SERINC1: variants seen among roughly 807,000 people sequenced by gnomAD.
The protein encoded by SERINC1 is serine incorporator 1, also known as tumor differentially expressed protein 2.
SERINC1 carries 38 observed loss-of-function variants against 52.9 expected under a neutral mutation model. The observed-to-expected ratio is 0.72, with a 90% CI of 0.55 to 0.94. SERINC1 has a LOEUF of 0.94. Among genes scored for constraint, SERINC1 ranks in the 40% least tolerant of loss-of-function variants. The pLI, the probability that SERINC1 is intolerant of heterozygous loss-of-function variation, is 0.00. For synonymous variants in SERINC1, 198 were observed against 183.1 expected (o/e 1.08, Z -0.66); for missense variants, 471 against 533.9 (o/e 0.88, Z 1.16).
chr6:122,460,807 G>C (rs1424143709), intron 1 of SERINC1, among the ~76,000 whole-genome samples: 1 of 152,142 alleles, frequency 6.6e-6, no homozygotes, highest in Admixed American at 6.5e-5. Context: ...ATAGGGCATT[G>C]TAGTATTACT....
At chr6:122,451,153 A>G (rs1732458415) in intron 7 of SERINC1, among the ~76,000 whole-genome samples, 2 of 152,164 alleles carry the variant, frequency 1.3e-5, no homozygotes. Flanking sequence ...TAAAGATACT[A>G]AAACAGCCAT....
intron 6 of SERINC1, 22 bp from the exon 7 acceptor site, chr6:122,451,776 A>AATATATATATATATATATAT (rs1554211251): frequency 5.3e-5 from 6 of 113,044 alleles, no homozygotes; most frequent in African/African-American, 1.5e-4. Context: ...AAAAAAAAAA[A>AATATATATATATATATATAT]ATATATATAT....
intron 3 of SERINC1, among the ~76,000 whole-genome samples, 152 bp downstream of exon 3, chr6:122,456,328 TA>T (rs1421658713): frequency 2.6e-5 from 4 of 152,178 alleles, no homozygotes; most frequent in African/African-American, 9.7e-5. Context: ...CATTCTCCAG[TA>T]AAAACAAGAT....
At chr6:122,445,329 T>C in intron 9 of SERINC1, 150 bp from the exon 10 acceptor site, 1 of 736,636 alleles carries the variant, frequency 1.4e-6, no homozygotes, top group Non-Finnish European at 2.2e-6. Flanking sequence ...CTCCCTTTCT[T>C]TCCACACTGC....
intron 1 of SERINC1, among the ~76,000 whole-genome samples, chr6:122,460,876 G>A (rs1316748866): frequency 1.3e-5 from 2 of 152,106 alleles, no homozygotes; most frequent in African/African-American, 4.8e-5. Flanking sequence ...GTTACGGACA[G>A]ACATGGAAGA....
intron 1 of SERINC1, among the ~76,000 whole-genome samples, chr6:122,467,562 G>A (rs536071399): frequency 1.3e-5 from 2 of 152,220 alleles, no homozygotes; most frequent in East Asian, 1.9e-4. Context: ...AGCTGAGATC[G>A]CGCCACTGCA....
At chr6:122,471,590 C>A in intron 1 of SERINC1, 109 bp downstream of exon 1, 1 of 1,342,036 alleles carries the variant, frequency 7.5e-7, no homozygotes, top group East Asian at 2.3e-5. Context: ...AGGGCACTCC[C>A]TGTTGGGTGG....
Position 122,444,169 on chromosome 6 carries a change from T to C in SERINC1, c.*875A>G, listed in dbSNP as rs1353625826. 6.6e-6 allele frequency: 1 copy of C among 152,166 alleles called. No individual in the cohort carries two copies. The allele number at this position is 152,166 out of a possible 1,614,324, so 9.4% of individuals were successfully genotyped here. ...GCTACAAAGCCCAGATTATTTTTTA[T>C]AGAAACAGGGTTTCACCATGTTGCC... On this transcript the variant is annotated 3_prime_UTR_variant, in exon 10 of 10. Coordinates refer to ENST00000339697, the MANE Select transcript of SERINC1 (RefSeq NM_020755.4).
chr6:122,449,165 A>T (rs1206545470), intron 7 of SERINC1, among the ~76,000 whole-genome samples: 1 of 152,190 alleles, frequency 6.6e-6, no homozygotes, highest in African/African-American at 2.4e-5. Context: ...ACCATATGGA[A>T]ATTAGGCCAG....
At chr6:122,468,991 T>C (rs757357127) in intron 1 of SERINC1, among the ~76,000 whole-genome samples, 37 of 152,178 alleles carry the variant, frequency 2.4e-4, no homozygotes, top group Non-Finnish European at 3.4e-4. Flanking sequence ...GGTAATGTTA[T>C]AGTTATAGGA....
chr6:122,451,996 A>G lies in SERINC1; in HGVS notation c.651T>C (p.Phe217=), dbSNP rs1207430590. ...AACTGGCTGGATGAGTGTAGTAGAC[A>G]AAGAACAGGACGATAGCAACTAAAG... ...LLSLVAIVLF[F]VYYTHPASCS... Residue 217 remains phenylalanine, a synonymous_variant, in exon 6 of 10, where the codon TTT becomes TTC. Coordinates refer to ENST00000339697, the MANE Select transcript of SERINC1 (RefSeq NM_020755.4). 2 of 1,593,548 alleles carry G rather than the reference A, an allele frequency of 1.3e-6. No individual in the cohort carries two copies. Among genetic ancestry groups the G allele is most frequent in the Middle Eastern group, 1.7e-4 (1 of 6,002 alleles).
chr6:122,466,848 G>A (rs1775200455), intron 1 of SERINC1, among the ~76,000 whole-genome samples: 1 of 152,120 alleles, frequency 6.6e-6, no homozygotes, highest in African/African-American at 2.4e-5. Context: ...ATACAGGTGA[G>A]AAAATTAAAG....
At chr6:122,471,628 A>C in intron 1 of SERINC1, 71 bp downstream of exon 1, 1 of 1,600,114 alleles carries the variant, frequency 6.2e-7, no homozygotes, top group Middle Eastern at 1.7e-4. Context: ...GGGCTCACCC[A>C]GCCCCGGCTC....
Position 122,453,754 on chromosome 6 carries a change from T to G in SERINC1, c.589+16A>C. ...AAGTTCAACTATACTGAAGTTGTTC[T>G]GCGACGAAAGCTTACCTGCATACCA... is the stretch of plus-strand genomic sequence containing the variant. On this transcript the variant is annotated intron_variant, in intron 5 of 9. Coordinates refer to ENST00000339697, the MANE Select transcript of SERINC1 (RefSeq NM_020755.4). 1 of 1,584,942 alleles carries G rather than the reference T, an allele frequency of 6.3e-7. No homozygotes were observed. The highest frequency in any genetic ancestry group is 8.6e-7 in the Non-Finnish European group (1 of 1,160,792).
intron 1 of SERINC1, among the ~76,000 whole-genome samples, chr6:122,466,548 T>C (rs1775196832): frequency 6.6e-6 from 1 of 152,158 alleles, no homozygotes; most frequent in Non-Finnish European, 1.5e-5. Context: ...TGTTTTGCCA[T>C]GTTGCCAAGG....
intron 9 of SERINC1, 75 bp downstream of exon 9, chr6:122,446,699 C>T: frequency 1.0e-6 from 1 of 960,484 alleles, no homozygotes; most frequent in Non-Finnish European, 1.6e-6. Flanking sequence ...CTTCATATCA[C>T]ATCATGGTTT....
In SERINC1 at chr6:122,471,785, T is replaced by C; in HGVS notation, c.-48A>G. On this transcript the variant is annotated 5_prime_UTR_variant, in exon 1 of 10. Coordinates refer to ENST00000339697, the MANE Select transcript of SERINC1 (RefSeq NM_020755.4). ...CGGATACAGACAAGATGGAGACAGC[T>C]TCTTTCTCGCCTTTCCGAGATTATT... The C allele has an allele frequency of 1.2e-6, 2 of 1,612,848 alleles. No individual in the cohort carries two copies. Among genetic ancestry groups the C allele is most frequent in the Non-Finnish European group, 1.7e-6 (2 of 1,179,622 alleles).
rs1382165374 is a variant in SERINC1, at chr6:122,443,443, CTGAAT to C, written c.*1596_*1600del. 3 of 151,982 alleles carry C rather than the reference CTGAAT, an allele frequency of 2.0e-5. No homozygotes were observed. 9.4% of individuals were successfully genotyped at this position (151,982 alleles called of 1,614,324 possible). On this transcript the variant is annotated 3_prime_UTR_variant, in exon 10 of 10. Transcript: ENST00000339697. ...CACAGAATAAGGTTGGGGAATTAAG[CTGAAT>C]TGTTATATTCCATTCACATTAATAA...
intron 1 of SERINC1, among the ~76,000 whole-genome samples, chr6:122,470,889 A>T (rs894396215): frequency 1.3e-5 from 2 of 151,974 alleles, no homozygotes; most frequent in Non-Finnish European, 2.9e-5. Flanking sequence ...AGATTATCTT[A>T]AATAAACTGA....
Sources: allele counts gnomAD v4.1 joint callset (sites outside exome capture counted in the v4.1 genomes callset), GRCh38; gene constraint gnomAD v4.1.1; transcripts MANE v1.5; gene names NCBI Gene and HGNC (gene_info 2026-07-23, HGNC 2026-07-21).